Variants in SHTN1 observed in about 807,000 individuals in gnomAD.
SHTN1 encodes shootin 1.
In SHTN1, 42 loss-of-function variants were observed where a neutral mutation model predicts 83.1. The observed-to-expected ratio is 0.51, with a 90% CI of 0.39 to 0.65. SHTN1 has a LOEUF of 0.65. Among genes scored for constraint, SHTN1 ranks in the 30% least tolerant of loss-of-function variants. The probability of loss-of-function intolerance (pLI) is 0.00; values close to 1 mark genes in which losing one functional copy is unlikely to be tolerated. For synonymous variants in SHTN1, 224 were observed against 247.7 expected, an observed-to-expected ratio of 0.90 and a Z score of 0.90; for missense variants, 622 against 737.8, an observed-to-expected ratio of 0.84 and a Z score of 1.82.
At chr10:116,985,206 C>T (rs1851179070) in intron 1 of SHTN1, among the ~76,000 whole-genome samples, 2 of 152,168 alleles carry the variant, frequency 1.3e-5, no homozygotes, top group African/African-American at 4.8e-5. Context: ...CATATGAATA[C>T]CAGAGTCCAT....
rs1490631370 is a variant in SHTN1, at chr10:116,882,802, G to A, written c.*3542C>T. The A allele has an allele frequency of 6.6e-6, 1 of 152,156 alleles. No homozygotes were observed. Among genetic ancestry groups the A allele is most frequent in the African/African-American group, 2.4e-5 (1 of 41,414 alleles). The allele number at this position is 152,156 out of a possible 1,614,324, so 9.4% of individuals were successfully genotyped here. A position where few individuals can be genotyped will look rare whatever the true frequency, so the allele number is the denominator to read the frequency against. On this transcript the variant is annotated 3_prime_UTR_variant, in exon 17 of 17. Transcript: ENST00000355371. ...GCGCAGACTCTCTCAGAGCATGCAG[G>A]AGACTTGGTTGGTATCACTCTAAGT...
chr10:117,072,556 C>T (rs1372389435), intron 1 of SHTN1, among the ~76,000 whole-genome samples: 1 of 152,136 alleles, frequency 6.6e-6, no homozygotes, highest in Non-Finnish European at 1.5e-5. Context: ...CAGACAACCC[C>T]CAGTACAAGC....
At chr10:116,966,934 C>T (rs144189032) in intron 3 of SHTN1, among the ~76,000 whole-genome samples, 117 of 152,302 alleles carry the variant, frequency 7.7e-4, no homozygotes, top group African/African-American at 2.5e-3. Flanking sequence ...TAGCATAGCA[C>T]ATTGGCCTCC....
At chr10:117,094,136 C>T (rs1270235357) in intron 1 of SHTN1, among the ~76,000 whole-genome samples, 1 of 152,156 alleles carries the variant, frequency 6.6e-6, no homozygotes, top group Non-Finnish European at 1.5e-5. Context: ...CTATCTGAGG[C>T]ACTACACCGC....
chr10:116,900,598 A>C, intron 16 of SHTN1: 1 of 1,531,060 alleles, frequency 6.5e-7, no homozygotes, highest in Non-Finnish European at 8.7e-7. Flanking sequence ...ATTTATCAGA[A>C]ACTAACTTGT....
At chr10:117,008,724 A>G (rs1852057621), upstream of SHTN1, among the ~76,000 whole-genome samples, 1 of 152,144 alleles carries the variant, frequency 6.6e-6, no homozygotes, top group African/African-American at 2.4e-5. Context: ...AAAACAGGGA[A>G]TGGCTGCTGA....
chr10:117,024,591 C>T (rs998762262), intron 2 of SHTN1, among the ~76,000 whole-genome samples: 1 of 151,944 alleles, frequency 6.6e-6, no homozygotes, highest in Non-Finnish European at 1.5e-5. Flanking sequence ...ATCTCCTGAC[C>T]TCGTGATCCG....
intron 16 of SHTN1, among the ~76,000 whole-genome samples, chr10:116,890,951 A>G (rs528439530): frequency 6.6e-6 from 1 of 152,356 alleles, no homozygotes; most frequent in South Asian, 2.1e-4. Flanking sequence ...TTCAAAATCA[A>G]CTTTCCACGT....
Position 116,881,636 on chromosome 10 carries a change from G to T in SHTN1, c.*4708C>A. 6.5e-7 allele frequency: 1 copy of T among 1,548,666 alleles called. No individual in the cohort carries two copies. Among genetic ancestry groups the T allele is most frequent in the South Asian group, 1.2e-5 (1 of 83,548 alleles). On this transcript the variant is annotated 3_prime_UTR_variant, in exon 17 of 17. Transcript: ENST00000355371. Reference sequence around the variant, plus strand: ...CCACCTTCCCCACACAAGGTGTAGAGGAATCAGCCGAAACAGGAGCATCCT... The same window carrying T: ...CCACCTTCCCCACACAAGGTGTAGATGAATCAGCCGAAACAGGAGCATCCT...
chr10:116,927,670 T>C, intron 11 of SHTN1, 122 bp downstream of exon 11: 1 of 1,339,292 alleles, frequency 7.5e-7, no homozygotes, highest in Non-Finnish European at 9.9e-7. Context: ...CACTGGCCTT[T>C]AGAAAAATTT....
Position 116,921,503 on chromosome 10 carries a change from T to C in SHTN1, c.1126A>G (p.Met376Val), listed in dbSNP as rs1848566042. 1.2e-6 allele frequency: 2 copies of C among 1,613,372 alleles called. No homozygotes were observed. The highest frequency in any genetic ancestry group is 1.7e-6 in the Non-Finnish European group (2 of 1,179,632). ...CTGGGGTGGGATCGTTTCCGGATCA[T>C]GGACATGAGGGATCTTTGGGAGAAA... is the stretch of plus-strand genomic sequence containing the variant. The part of the protein sequence containing the change: ...PPNPIRSLMS[M>V]IRKRSHPSGS... Residue 376 changes from methionine to valine, a missense_variant, in exon 12 of 17, where the codon ATG becomes GTG. By Grantham distance (21) the Met-to-Val change is conservative. Coordinates refer to ENST00000355371, the MANE Select transcript of SHTN1 (RefSeq NM_001127211.3).
At chr10:116,900,434 G>T in intron 16 of SHTN1, 1 of 1,084,262 alleles carries the variant, frequency 9.2e-7, no homozygotes, top group Non-Finnish European at 1.4e-6. Flanking sequence ...CCTTGGGCCT[G>T]CAATTATTTC....
chr10:117,029,747 G>A (rs1852381121), intron 2 of SHTN1, among the ~76,000 whole-genome samples: 1 of 152,080 alleles, frequency 6.6e-6, no homozygotes, highest in South Asian at 2.1e-4. Flanking sequence ...ATGATTGCAA[G>A]TTTCCTGAGG....
chr10:117,116,357 T>TGAAGAACCATGAAGGAATAG (rs1853847743), intron 1 of SHTN1, among the ~76,000 whole-genome samples: 1 of 151,974 alleles, frequency 6.6e-6, no homozygotes, highest in Admixed American at 6.6e-5. Flanking sequence ...CTACCAAGAC[T>TGAAGAACCATGAAGGAATAG]GAACCATGAA....
chr10:116,901,090 T>C, intron 16 of SHTN1: 1 of 985,314 alleles, frequency 1.0e-6, no homozygotes, highest in Non-Finnish European at 1.2e-6. Context: ...CACCTCTTCC[T>C]TTTCTTTAAG....
intron 1 of SHTN1, among the ~76,000 whole-genome samples, chr10:116,982,300 C>T (rs1280028758): frequency 6.6e-6 from 1 of 152,120 alleles, no homozygotes; most frequent in Non-Finnish European, 1.5e-5. Flanking sequence ...AACATGCTTT[C>T]TTGTGACTAT....
intron 1 of SHTN1, among the ~76,000 whole-genome samples, chr10:117,116,045 T>C (rs941084547): frequency 6.6e-6 from 1 of 151,566 alleles, no homozygotes; most frequent in Non-Finnish European, 1.5e-5. Flanking sequence ...CCAAAATTAG[T>C]AGAAGGAAAG....
At position 116,920,659 on chromosome 10, in the gene SHTN1, T is replaced by C. The variant is rs573740143; in HGVS notation, c.1195+775A>G. Among the ~76,000 whole-genome samples, 12 of 152,300 alleles carry C rather than the reference T, an allele frequency of 7.9e-5. No homozygotes were observed. In the South Asian group the frequency reaches 1.7e-3, roughly 21 times the overall value. ...ACGTTATACCTCTGCTTAAAATTTC[T>C]ACTGCTCTTAGGAGAAATGCCAGAA... On this transcript the variant is annotated intron_variant, in intron 12 of 16. Coordinates refer to ENST00000355371, the MANE Select transcript of SHTN1 (RefSeq NM_001127211.3).
Position 117,050,882 on chromosome 10 carries a change from G to A in SHTN1, c.-188-2372C>T, listed in dbSNP as rs540758574. On this transcript the variant is annotated intron_variant, in intron 1 of 17. Coordinates refer to the SHTN1 transcript ENST00000392901. ...AGCCTAGGCAATATAGTAAGACTTCGTCTCTACAAAAAAATAAAAATAAAA... is the reference window on the plus strand; with the variant it reads ...AGCCTAGGCAATATAGTAAGACTTCATCTCTACAAAAAAATAAAAATAAAA... Among the ~76,000 whole-genome samples, 25 of 151,998 alleles carry A rather than the reference G, an allele frequency of 1.6e-4. 1 individual carries two copies. The highest frequency in any genetic ancestry group is 5.5e-4 in the African/African-American group (23 of 41,466).
Sources: gnomAD v4.1 joint callset for allele counts (sites outside exome capture counted in the v4.1 genomes callset) on GRCh38, gnomAD v4.1.1 for gene constraint, MANE v1.5 for transcripts, NCBI Gene and HGNC (gene_info 2026-07-23, HGNC 2026-07-21) for gene names.